DGKB: variants seen among roughly 807,000 people sequenced by gnomAD.
The protein encoded by DGKB is diacylglycerol kinase beta.
A neutral mutation model predicts 114.3 loss-of-function variants in DGKB; 67 were observed. The ratio of observed to expected loss-of-function variants is 0.59; its 90% CI spans 0.48 to 0.72. DGKB has a LOEUF of 0.72. DGKB is among the 30% of genes least tolerant of loss of function. DGKB has a pLI of 0.00. For synonymous variants in DGKB, 398 were observed against 323.1 expected, an observed-to-expected ratio of 1.23 and a Z score of -2.49; for missense variants, 907 against 975.2, an observed-to-expected ratio of 0.93 and a Z score of 0.93.
intron 1 of DGKB, among the ~76,000 whole-genome samples, chr7:14,875,705 T>A (rs1281977775): frequency 1.3e-5 from 2 of 152,252 alleles, no homozygotes; most frequent in East Asian, 3.9e-4. Flanking sequence ...GTGAACAGAT[T>A]AGGATAAAAC....
At chr7:14,241,709 G>A (rs561575672) in intron 23 of DGKB, among the ~76,000 whole-genome samples, 1 of 152,060 alleles carries the variant, frequency 6.6e-6, no homozygotes, top group South Asian at 2.1e-4. Flanking sequence ...AATACATCAT[G>A]AGAACATTTA....
intron 20 of DGKB, among the ~76,000 whole-genome samples, chr7:14,524,260 C>T (rs1790268683): frequency 6.6e-6 from 1 of 152,054 alleles, no homozygotes; most frequent in Non-Finnish European, 1.5e-5. Flanking sequence ...AAAGAGTATT[C>T]ATAAGGAATT....
chr7:14,623,871 T>C (rs564806875), intron 14 of DGKB, among the ~76,000 whole-genome samples: 3 of 152,284 alleles, frequency 2.0e-5, no homozygotes, highest in Non-Finnish European at 2.9e-5. Flanking sequence ...AATGCCTGAG[T>C]TGAATCTCAT....
chr7:14,178,234 A>T, intron 23 of DGKB, 83 bp from the exon 24 acceptor site: 1 of 1,429,076 alleles, frequency 7.0e-7, no homozygotes. Flanking sequence ...ATGGAGATTA[A>T]AAAAAATAAC....
At chr7:14,725,000 T>C (rs1023459883) in intron 5 of DGKB, among the ~76,000 whole-genome samples, 3 of 152,056 alleles carry the variant, frequency 2.0e-5, no homozygotes, top group Non-Finnish European at 2.9e-5. Context: ...GGAAACTTCA[T>C]CTCTATAAAA....
intron 23 of DGKB, among the ~76,000 whole-genome samples, chr7:14,301,328 G>A (rs1418842713): frequency 6.6e-6 from 1 of 152,016 alleles, no homozygotes; most frequent in Non-Finnish European, 1.5e-5. Context: ...GGGCATTGGT[G>A]TCTCTATCTT....
At chr7:14,431,447 C>T (rs1252403607) in intron 21 of DGKB, among the ~76,000 whole-genome samples, 1 of 152,054 alleles carries the variant, frequency 6.6e-6, no homozygotes, top group Non-Finnish European at 1.5e-5. Context: ...TAAGTGTAAA[C>T]ATAAACTGTG....
chr7:14,161,715 A>G (rs1442713191), intron 25 of DGKB, among the ~76,000 whole-genome samples: 1 of 152,142 alleles, frequency 6.6e-6, no homozygotes, highest in African/African-American at 2.4e-5. Context: ...TACCTAAGGT[A>G]GATGACGGGT....
chr7:14,622,083 G>A (rs1286996027), intron 14 of DGKB, among the ~76,000 whole-genome samples: 1 of 151,866 alleles, frequency 6.6e-6, no homozygotes, highest in Non-Finnish European at 1.5e-5. Flanking sequence ...CAATCAACTT[G>A]TATCACCATT....
At chr7:14,400,426 C>A (rs1583655294) in intron 21 of DGKB, among the ~76,000 whole-genome samples, 1 of 151,870 alleles carries the variant, frequency 6.6e-6, no homozygotes, top group African/African-American at 2.4e-5. Context: ...ACTTGTGCCT[C>A]TACAGAAAGC....
chr7:14,490,840 A>T (rs553100290), intron 20 of DGKB, among the ~76,000 whole-genome samples: 1 of 152,046 alleles, frequency 6.6e-6, no homozygotes, highest in Non-Finnish European at 1.5e-5. Flanking sequence ...ATTTCACTCA[A>T]TTATTTTTCT....
chr7:14,326,308 G>C (rs1808716925), intron 23 of DGKB, among the ~76,000 whole-genome samples: 1 of 152,054 alleles, frequency 6.6e-6, no homozygotes, highest in South Asian at 2.1e-4. Context: ...CTTGCCCATG[G>C]AATATGATAA....
rs546675660 is a variant in DGKB, at chr7:14,292,441, A to G, written c.2122+46074T>C. Among the ~76,000 whole-genome samples the G allele has an allele frequency of 6.6e-5, 10 of 152,326 alleles. No individual in the cohort carries two copies. In the East Asian group the frequency reaches 1.9e-3, roughly 29 times the overall value. ...TGTGTCAGCTGAACTGTATCTGCTCATATTCACATCTCGGATTGACTACAA... is the reference window on the plus strand; with the variant it reads ...TGTGTCAGCTGAACTGTATCTGCTCGTATTCACATCTCGGATTGACTACAA... On this transcript the variant is annotated intron_variant, in intron 23 of 25. Coordinates refer to ENST00000402815, the MANE Select transcript of DGKB (RefSeq NM_001350709.2).
chr7:14,506,362 G>C (rs1787063131), intron 20 of DGKB, among the ~76,000 whole-genome samples: 1 of 151,972 alleles, frequency 6.6e-6, no homozygotes, highest in South Asian at 2.1e-4. Flanking sequence ...AAAAACTTTT[G>C]CTTAATCATG....
intron 23 of DGKB, among the ~76,000 whole-genome samples, chr7:14,326,374 G>C (rs1016266353): frequency 6.6e-6 from 1 of 151,906 alleles, no homozygotes; most frequent in Non-Finnish European, 1.5e-5. Context: ...TGAAAGAAAA[G>C]TCAGTACAGT....
chr7:14,874,553 TTCTC>T lies in DGKB; in HGVS notation c.-188+28035_-188+28038del, dbSNP rs199643944. ...TTTACAAAGCACATATCATATAATT[TTCTC>T]TCTCTCTCTTTTTCTATATATAGAA... On this transcript the variant is annotated intron_variant, in intron 1 of 25. Transcript: ENST00000402815. Among the ~76,000 whole-genome samples, 707 of 151,986 alleles carry T rather than the reference TTCTC, an allele frequency of 4.7e-3. 5 individuals carry two copies. Among genetic ancestry groups the T allele is most frequent in the African/African-American group, 0.015 (636 of 41,492 alleles).
At chr7:14,924,134 G>C (rs949860039) in intron 1 of DGKB, among the ~76,000 whole-genome samples, 2 of 151,800 alleles carry the variant, frequency 1.3e-5, no homozygotes, top group Non-Finnish European at 2.9e-5. Context: ...TTAGTTTCTT[G>C]GTTTTGTGGA....
chr7:14,532,474 G>A (rs1220397254), intron 20 of DGKB, among the ~76,000 whole-genome samples: 1 of 151,416 alleles, frequency 6.6e-6, no homozygotes, highest in Non-Finnish European at 1.5e-5. Flanking sequence ...GTAAAACTAA[G>A]AGAGCTGGAG....
At chr7:14,915,571 AAAAT>A (rs1293219478) in intron 1 of DGKB, among the ~76,000 whole-genome samples, 1 of 152,340 alleles carries the variant, frequency 6.6e-6, no homozygotes, top group South Asian at 2.1e-4. Context: ...CAAATGTGAG[AAAAT>A]AAATGCTTTG....
Sources: gnomAD v4.1 joint callset for allele counts (sites outside exome capture counted in the v4.1 genomes callset) on GRCh38, gnomAD v4.1.1 for gene constraint, MANE v1.5 for transcripts, NCBI Gene and HGNC (gene_info 2026-07-23, HGNC 2026-07-21) for gene names.